ADAMTSL1: variants seen among roughly 807,000 people sequenced by gnomAD.
ADAMTSL1 encodes the protein ADAMTS-like protein 1.
ADAMTSL1 carries 126 observed loss-of-function variants against 201.8 expected under a neutral mutation model. The observed-to-expected ratio is 0.62, with a 90% CI of 0.54 to 0.72. The LOEUF is 0.72. ADAMTSL1 is among the 30% of genes least tolerant of loss of function. ADAMTSL1 has a pLI of 0.00. For synonymous variants in ADAMTSL1, 1,121 were observed against 903.4 expected (o/e 1.24, Z -4.32); for missense variants, 2,679 against 2,277.8 (o/e 1.18, Z -3.59).
chr9:18,846,473 A>T (rs1369338316), intron 23 of ADAMTSL1, among the ~76,000 whole-genome samples: 1 of 152,160 alleles, frequency 6.6e-6, no homozygotes, highest in Non-Finnish European at 1.5e-5. Flanking sequence ...TTTTGGTCAG[A>T]GGTAAGGGGG....
chr9:17,962,858 C>T (rs2811805), intron 1 of ADAMTSL1, among the ~76,000 whole-genome samples: 141,359 of 152,296 alleles, frequency 0.93, 66,170 homozygotes, highest in East Asian at 1. Context: ...AGTGACATCA[C>T]ACTCAAAGTA....
Position 18,613,479 on chromosome 9 carries a change from T to C in ADAMTSL1, c.475-8764T>C, listed in dbSNP as rs141721256. ...AATCAACCTAAATGCCCATCAATGATAGACTGGATAAAGGAAATGTGGTAA... is the reference window on the plus strand; with the variant it reads ...AATCAACCTAAATGCCCATCAATGACAGACTGGATAAAGGAAATGTGGTAA... On this transcript the variant is annotated intron_variant, in intron 4 of 28. Transcript: ENST00000380548. Among the ~76,000 whole-genome samples, 508 of 152,256 alleles carry C rather than the reference T, an allele frequency of 3.3e-3. 1 individual carries two copies. Among genetic ancestry groups the C allele is most frequent in the African/African-American group, 0.012 (493 of 41,520 alleles).
chr9:18,578,818 TG>T (rs1489762229), intron 4 of ADAMTSL1, among the ~76,000 whole-genome samples: 1 of 151,180 alleles, frequency 6.6e-6, no homozygotes, highest in Admixed American at 6.6e-5. Flanking sequence ...ACTTCCACAA[TG>T]GTTGAACTAG....
Position 18,684,589 on chromosome 9 carries a change from A to G in ADAMTSL1, c.1490-127A>G, listed in dbSNP as rs530641331. On this transcript the variant is annotated intron_variant, in intron 12 of 28. Transcript: ENST00000380548. The stretch of plus-strand genomic sequence containing the variant: ...GATATAACCATCATCAGAGGCAGCA[A>G]TTTACCCAAAAACTTATTCGTGTTG... 2.8e-6 allele frequency: 3 copies of G among 1,066,368 alleles called. No individual in the cohort carries two copies. The South Asian group carries it at 7.3e-5, about 26-fold the overall frequency. The allele number at this position is 1,066,368 out of a possible 1,614,324, so 66.1% of individuals were successfully genotyped here. A position where few individuals can be genotyped will look rare whatever the true frequency, so the allele number is the denominator to read the frequency against.
chr9:18,521,280 G>A (rs1292344442), intron 2 of ADAMTSL1, among the ~76,000 whole-genome samples: 1 of 152,016 alleles, frequency 6.6e-6, no homozygotes, highest in Non-Finnish European at 1.5e-5. Flanking sequence ...GGGCCTCAAA[G>A]TACATTTTTA....
intron 2 of ADAMTSL1, among the ~76,000 whole-genome samples, chr9:18,283,493 C>G (rs924933334): frequency 3.3e-5 from 5 of 150,366 alleles, no homozygotes; most frequent in Admixed American, 6.7e-5. Flanking sequence ...GTAGTCACAG[C>G]TACTTGGGAG....
chr9:18,397,409 A>G (rs9407905), intron 2 of ADAMTSL1, among the ~76,000 whole-genome samples: 84,824 of 151,900 alleles, frequency 0.56, 24,169 homozygotes, highest in African/African-American at 0.66. Context: ...ATGCTGTTAC[A>G]TGCACTCCAA....
intron 2 of ADAMTSL1, among the ~76,000 whole-genome samples, chr9:18,369,281 C>A (rs1563917505): frequency 6.6e-6 from 1 of 152,118 alleles, no homozygotes; most frequent in Non-Finnish European, 1.5e-5. Context: ...ATTAGCCTTA[C>A]TAAATCTTAG....
At chr9:18,028,148 T>G (rs78007709) in intron 1 of ADAMTSL1, among the ~76,000 whole-genome samples, 5,255 of 152,004 alleles carry the variant, frequency 0.035, 238 homozygotes, top group African/African-American at 0.1. Context: ...TTAGGCTGTT[T>G]AAATTCAAGG....
chr9:18,433,102 G>A (rs144361669), intron 2 of ADAMTSL1, among the ~76,000 whole-genome samples: 84 of 152,084 alleles, frequency 5.5e-4, no homozygotes, highest in African/African-American at 1.9e-3. Context: ...TAAAAAGAAT[G>A]GGGAAGTATA....
At chr9:18,741,168 A>G (rs1459736252) in intron 15 of ADAMTSL1, among the ~76,000 whole-genome samples, 1 of 152,192 alleles carries the variant, frequency 6.6e-6, no homozygotes, top group African/African-American at 2.4e-5. Flanking sequence ...AGCATTTGTT[A>G]CAGTATCTTA....
At chr9:18,070,749 C>T (rs569127685) in intron 1 of ADAMTSL1, among the ~76,000 whole-genome samples, 1 of 152,086 alleles carries the variant, frequency 6.6e-6, no homozygotes, top group Admixed American at 6.5e-5. Flanking sequence ...ATGTAAAGAG[C>T]GGGGCTAGAT....
At chr9:18,491,243 C>T (rs1434202659) in intron 1 of ADAMTSL1, among the ~76,000 whole-genome samples, 1 of 152,180 alleles carries the variant, frequency 6.6e-6, no homozygotes, top group East Asian at 1.9e-4. Context: ...TGTGCCTCAG[C>T]ATTCTTGATA....
chr9:18,891,205 T>C (rs1829245785), intron 25 of ADAMTSL1, among the ~76,000 whole-genome samples: 1 of 149,054 alleles, frequency 6.7e-6, no homozygotes, highest in African/African-American at 2.5e-5. Context: ...AGGTTCACCT[T>C]TGACCCGTTT....
At chr9:18,531,105 C>A (rs904169829) in intron 2 of ADAMTSL1, among the ~76,000 whole-genome samples, 6 of 152,138 alleles carry the variant, frequency 3.9e-5, no homozygotes, top group Admixed American at 3.9e-4. Flanking sequence ...GGGGTGTACT[C>A]ACAATAACTC....
intron 1 of ADAMTSL1, among the ~76,000 whole-genome samples, chr9:17,973,698 G>A (rs1475039059): frequency 8.3e-6 from 1 of 120,954 alleles, no homozygotes; most frequent in African/African-American, 2.9e-5. Context: ...CCAATTCTGT[G>A]AAGAAAGTCA....
chr9:18,523,021 C>G (rs1016626418), intron 2 of ADAMTSL1, among the ~76,000 whole-genome samples: 2 of 152,198 alleles, frequency 1.3e-5, no homozygotes, highest in African/African-American at 4.8e-5. Context: ...GCCACACTGT[C>G]TTCCACAATG....
At chr9:17,968,689 T>C (rs558434985) in intron 1 of ADAMTSL1, among the ~76,000 whole-genome samples, 3 of 152,138 alleles carry the variant, frequency 2.0e-5, no homozygotes, top group Non-Finnish European at 4.4e-5. Flanking sequence ...TTTAGTGTAA[T>C]GTTGGGACAG....
At chr9:18,091,076 T>TGG (rs1350680204) in intron 1 of ADAMTSL1, among the ~76,000 whole-genome samples, 2 of 151,376 alleles carry the variant, frequency 1.3e-5, no homozygotes, top group African/African-American at 2.4e-5. Context: ...TGCATGTGTG[T>TGG]GTGTGTGTGT....
Sources: allele counts gnomAD v4.1 joint callset (sites outside exome capture counted in the v4.1 genomes callset), GRCh38; gene constraint gnomAD v4.1.1; transcripts MANE v1.5; gene names NCBI Gene and HGNC (gene_info 2026-07-23, HGNC 2026-07-21).